Variants in CAPN15 observed in about 807,000 individuals in gnomAD.
CAPN15 encodes the protein calpain-15.
In CAPN15, 53 loss-of-function variants were observed where a neutral mutation model predicts 97.9. The observed-to-expected ratio is 0.54, with a 90% confidence interval of 0.43 to 0.68. CAPN15 has a LOEUF of 0.68. CAPN15 is among the 30% of genes least tolerant of loss of function. CAPN15 has a pLI of 0.00. For missense variants in CAPN15, 1,592 were observed against 1,589.8 expected (o/e 1.00, Z -0.02); for synonymous variants, 922 against 722.5 (o/e 1.28, Z -4.43).
In CAPN15 at chr16:537,948, G is replaced by A. The variant is rs917941751; in HGVS notation, c.-23+1806G>A. ...TGTAGTGTGGCACGTCCAGAGACCC[G>A]GCCTGGAGAACGGGTCCTGGATGTC... On this transcript the variant is annotated intron_variant, in intron 3 of 13. Transcript: ENST00000219611. The A allele has an allele frequency of 5.3e-5, 8 of 152,354 alleles. No homozygotes were observed. In the South Asian group the frequency reaches 8.3e-4, roughly 16 times the overall value. The allele number at this position is 152,354 out of a possible 1,614,324, so 9.4% of individuals were successfully genotyped here. A position where few individuals can be genotyped will look rare whatever the true frequency, so the allele number is the denominator to read the frequency against.
At position 542,620 on chromosome 16, in the gene CAPN15, C is replaced by T. The variant is rs971721668; in HGVS notation, c.-22-4197C>T. On this transcript the variant is annotated intron_variant, in intron 3 of 13. Transcript: ENST00000219611. ...TTATTTATTTAGAGACAGGGTCTTA[C>T]TCTGTCACCCAGGCTGGAGTACAGT... is the stretch of plus-strand genomic sequence containing the variant. Among the ~76,000 whole-genome samples the T allele has an allele frequency of 2.6e-5, 4 of 152,286 alleles. No individual in the cohort carries two copies. The South Asian group carries it at 8.3e-4, about 32-fold the overall frequency.
chr16:551,142 G>A (rs367828704), intron 7 of CAPN15, among the ~76,000 whole-genome samples, 160 bp from the exon 8 acceptor site: 15 of 96,460 alleles, frequency 1.6e-4, no homozygotes, highest in Non-Finnish European at 2.8e-4. Context: ...TGAGGGCCCC[G>A]GTCGGTGAGG....
chr16:547,190 C>T lies in CAPN15; in HGVS notation c.352C>T (p.Pro118Ser). The change falls in exon 4 of 14, where the codon CCC becomes TCC. Residue 118 changes from proline to serine, a missense_variant. By Grantham distance (74) the Pro-to-Ser change is moderately conservative. Around this residue, in one of 3 missense-constraint regions of CAPN15, gnomAD observed 883 missense variants for 776.6 expected, o/e 1.14. Transcript: ENST00000219611. ...GACTGCGGGGCTGGTGGCCACGGAGCCCGCCAGGGGGCAGTGCGAGGACAA... is the reference window on the plus strand; with the variant it reads ...GACTGCGGGGCTGGTGGCCACGGAGTCCGCCAGGGGGCAGTGCGAGGACAA... Reference protein sequence around the residue: ...VRTAGLVATEPARGQCEDKDE... With the variant: ...VRTAGLVATESARGQCEDKDE... 2 of 1,532,964 alleles carry T rather than the reference C, an allele frequency of 1.3e-6. No homozygotes were observed. Among genetic ancestry groups the T allele is most frequent in the Non-Finnish European group, 8.7e-7 (1 of 1,144,784 alleles). 95.0% of individuals were successfully genotyped at this position (1,532,964 alleles called of 1,614,324 possible).
intron 3 of CAPN15, among the ~76,000 whole-genome samples, chr16:540,724 G>T (rs1182515961): frequency 1.3e-5 from 2 of 152,200 alleles, no homozygotes; most frequent in Non-Finnish European, 2.9e-5. Context: ...TTTCAAAGCT[G>T]CCAGCACTCG....
chr16:547,332 T>C lies in CAPN15; in HGVS notation c.494T>C (p.Val165Ala). 6.5e-7 allele frequency: 1 copy of C among 1,537,922 alleles called. No individual in the cohort carries two copies. The highest frequency in any genetic ancestry group is 8.7e-7 in the Non-Finnish European group (1 of 1,148,330). Reference protein sequence around the residue: ...HNTPVASSCSVCGGPRRLSLP... With the variant: ...HNTPVASSCSACGGPRRLSLP... The stretch of plus-strand genomic sequence containing the variant: ...ACGCCCGTGGCCAGCTCCTGCTCCG[T>C]CTGCGGGGGCCCACGCAGGCTCTCG... The change falls in exon 4 of 14, where the codon GTC becomes GCC. Residue 165 changes from valine (V) to alanine (A), a missense_variant. This residue lies in a region of CAPN15 where 883 missense variants were observed against 776.6 expected (regional missense o/e 1.14). Coordinates refer to ENST00000219611, the MANE Select transcript of CAPN15 (RefSeq NM_005632.3).
In CAPN15 at chr16:551,187, C is replaced by CCCCGGTCGGTGAGGGT. The variant is rs1359532781; in HGVS notation, c.2067-111_2067-96dup. The CCCCGGTCGGTGAGGGT allele has an allele frequency of 9.6e-6, 13 of 1,359,902 alleles. 1 individual carries two copies. The East Asian group carries it at 1.0e-4, about 10-fold the overall frequency. The allele number at this position is 1,359,902 out of a possible 1,614,324, so 84.2% of individuals were successfully genotyped here. ...CGGTGAGGGTCCCGGTCGGTGAGGG[C>CCCCGGTCGGTGAGGGT]CCCGGTCGGTGAGGGTCCCCAGTCG... On this transcript the variant is annotated intron_variant, in intron 7 of 13. Transcript: ENST00000219611.
intron 5 of CAPN15, 41 bp downstream of exon 5, chr16:549,242 G>GGGGGGGGGGGGGGGGGCCCCCCCCC: frequency 3.3e-6 from 1 of 298,868 alleles, no homozygotes; most frequent in Non-Finnish European, 6.4e-6. Context: ...GGGTGGGCGG[G>GGGGGGGGGGGGGGGGGCCCCCCCCC]CGACCGGCCG....
At chr16:542,998 C>A (rs1011934496) in intron 3 of CAPN15, among the ~76,000 whole-genome samples, 99 of 152,156 alleles carry the variant, frequency 6.5e-4, no homozygotes, top group African/African-American at 2.3e-3. Flanking sequence ...TTGCAGTGAG[C>A]CAAGATTGCA....
intron 1 of CAPN15, among the ~76,000 whole-genome samples, chr16:533,523 C>T (rs1053029232): frequency 1.3e-5 from 2 of 152,202 alleles, no homozygotes; most frequent in Admixed American, 1.3e-4. Context: ...CTTTCCCTGG[C>T]AGTGCCTGGG....
chr16:552,279 T>C lies in CAPN15; in HGVS notation c.2508-22T>C, dbSNP rs1400329539. On this transcript the variant is annotated intron_variant, in intron 10 of 13. Coordinates refer to ENST00000219611, the MANE Select transcript of CAPN15 (RefSeq NM_005632.3). The surrounding 1 kb of genome is among the most constrained non-coding windows in gnomAD (Gnocchi z 6.4). ...TGGCGGCCGTGACCACGCGTGACCC[T>C]GGCCCGTGGTGTCTGGCGCAGGCGC... 12 of 1,541,238 alleles carry C rather than the reference T, an allele frequency of 7.8e-6. No individual in the cohort carries two copies. Among genetic ancestry groups the C allele is most frequent in the Non-Finnish European group, 1.0e-5 (12 of 1,145,602 alleles).
chr16:533,399 G>A (rs529805029), intron 1 of CAPN15, among the ~76,000 whole-genome samples: 3 of 152,300 alleles, frequency 2.0e-5, no homozygotes, highest in Admixed American at 6.5e-5. Context: ...CGCCTGGCTC[G>A]AAGCAGTGGC....
intron 3 of CAPN15, among the ~76,000 whole-genome samples, chr16:543,721 C>T (rs1057129290): frequency 2.0e-4 from 30 of 152,302 alleles, no homozygotes; most frequent in African/African-American, 6.3e-4. Context: ...GGCCTCCACA[C>T]GCGGAGCCCT....
chr16:532,494 G>T (rs1417934568), intron 1 of CAPN15, among the ~76,000 whole-genome samples: 2 of 151,246 alleles, frequency 1.3e-5, no homozygotes, highest in Non-Finnish European at 2.9e-5. Flanking sequence ...GGCAGAGGTT[G>T]CAGTGAGTCG....
intron 13 of CAPN15, 21 bp from the exon 14 acceptor site, chr16:553,318 C>T: frequency 1.3e-6 from 2 of 1,584,522 alleles, no homozygotes; most frequent in East Asian, 2.3e-5. Context: ...TCCACAGGTC[C>T]TCACCGGTCC....
At chr16:545,297 G>A (rs1463090295) in intron 3 of CAPN15, among the ~76,000 whole-genome samples, 2 of 150,380 alleles carry the variant, frequency 1.3e-5, no homozygotes, top group South Asian at 2.2e-4. Context: ...CAGAACCAGG[G>A]CAGAAGGGCA....
At chr16:543,974 C>CTGCGGCCA (rs200065794) in intron 3 of CAPN15, among the ~76,000 whole-genome samples, 10 of 152,268 alleles carry the variant, frequency 6.6e-5, no homozygotes, top group South Asian at 2.1e-4. Flanking sequence ...CCAGGGCAGC[C>CTGCGGCCA]TGCGGCCATG....
At chr16:542,288 A>T (rs1272281702) in intron 3 of CAPN15, among the ~76,000 whole-genome samples, 1 of 150,054 alleles carries the variant, frequency 6.7e-6, no homozygotes, top group Non-Finnish European at 1.5e-5. Flanking sequence ...TTTATCTTGC[A>T]TAGATACCTA....
rs1322842937 is a variant in CAPN15 at position 552,320 on chromosome 16, A to G, written c.2527A>G (p.Ser843Gly). ...GCGCAGGCGCTCGGACGCCGTGGACAGCCACCTGCTGGACCTGTGCATCCT... is the reference window on the plus strand; with the variant it reads ...GCGCAGGCGCTCGGACGCCGTGGACGGCCACCTGCTGGACCTGTGCATCCT... ...EGSRRSDAVD[S>G]HLLDLCILVF... is the part of the protein sequence containing the mutation. The change falls in exon 11 of 14, where the codon AGC becomes GGC. Residue 843 changes from serine (S) to glycine (G), a missense_variant. Ser to Gly is a moderately conservative substitution (Grantham distance 56). Around this residue, in one of 3 missense-constraint regions of CAPN15, gnomAD observed 644 missense variants for 699.6 expected, o/e 0.92. Coordinates refer to ENST00000219611, the MANE Select transcript of CAPN15 (RefSeq NM_005632.3). This position sits in a 1 kb window ranked among gnomAD's most constrained non-coding sequence, Gnocchi z 6.4. 1 of 1,574,674 alleles carries G rather than the reference A, an allele frequency of 6.4e-7. No homozygotes were observed. The highest frequency in any genetic ancestry group is 8.6e-7 in the Non-Finnish European group (1 of 1,165,782).
intron 4 of CAPN15, 37 bp downstream of exon 4, chr16:548,324 C>T (rs1172822837): frequency 7.0e-7 from 1 of 1,435,028 alleles, no homozygotes; most frequent in African/African-American, 1.5e-5. Flanking sequence ...GCTCCTGAGC[C>T]TCCTGCTCCC....
Sources: gnomAD v4.1 joint callset for allele counts (sites outside exome capture counted in the v4.1 genomes callset) on GRCh38, gnomAD v4.1.1 for gene constraint, gnomAD v4.1.1 regional missense constraint, Gnocchi (gnomAD v3.1) non-coding constraint, MANE v1.5 for transcripts, NCBI Gene and HGNC (gene_info 2026-07-23, HGNC 2026-07-21) for gene names.